Variants in ATP11B observed in about 807,000 individuals in gnomAD.
ATP11B encodes the protein phospholipid-transporting ATPase IF.
In ATP11B, 81 loss-of-function variants were observed where a neutral mutation model predicts 157.8. The observed-to-expected ratio is 0.51, with a 90% CI of 0.43 to 0.62. The LOEUF is 0.62. Among genes scored for constraint, ATP11B ranks in the 20% least tolerant of loss-of-function variants. The pLI is 0.00. For synonymous variants in ATP11B, 451 were observed against 469.4 expected, an observed-to-expected ratio of 0.96 and a Z score of 0.51; for missense variants, 1,165 against 1,402.2, an observed-to-expected ratio of 0.83 and a Z score of 2.70.
At chr3:182,847,026 C>T (rs924143290) in intron 9 of ATP11B, among the ~76,000 whole-genome samples, 1 of 149,942 alleles carries the variant, frequency 6.7e-6, no homozygotes, top group African/African-American at 2.4e-5. Flanking sequence ...TTTAGATCCT[C>T]TAATATAACA....
In ATP11B at chr3:182,896,730, G is replaced by A. The variant is rs753453161; in HGVS notation, c.3013G>A (p.Val1005Ile). ...MFGNWTFGTLVFTVMVITVTV... is the reference protein window; with the variant it reads ...MFGNWTFGTLIFTVMVITVTV... The stretch of plus-strand genomic sequence containing the variant: ...TGGAAACTGGACATTTGGCACTTTG[G>A]TCTTCACAGTCATGGTTATTACAGT... Residue 1005 changes from valine (V) to isoleucine (I), a missense_variant, in exon 26 of 30, where the codon GTC (valine) becomes ATC (isoleucine). Physicochemically the swap from Val to Ile is conservative, Grantham distance 29. This residue lies in a region of ATP11B where 303 missense variants were observed against 296.3 expected (regional missense o/e 1.02). Coordinates refer to ENST00000323116, the MANE Select transcript of ATP11B (RefSeq NM_014616.3). 22 of 1,613,122 alleles carry A rather than the reference G, an allele frequency of 1.4e-5. No individual in the cohort carries two copies. The highest frequency in any genetic ancestry group is 1.9e-5 in the Non-Finnish European group (22 of 1,179,386).
At chr3:182,894,569 A>G (rs1723398491) in intron 25 of ATP11B, among the ~76,000 whole-genome samples, 1 of 152,190 alleles carries the variant, frequency 6.6e-6, no homozygotes, top group Non-Finnish European at 1.5e-5. Context: ...GTCAGAATGG[A>G]AAGAGACAGC....
In ATP11B at chr3:182,918,827, A is replaced by G. The variant is rs1725294346; in HGVS notation, c.*723A>G. On this transcript the variant is annotated 3_prime_UTR_variant, in exon 30 of 30. Transcript: ENST00000323116. ...ATCAGGTCCGTTCACCGAACTTCAA[A>G]TTGATGTTTACTAATATTTTTGTGA... The G allele has an allele frequency of 6.5e-6, 1 of 153,674 alleles. No homozygotes were observed. The allele number at this position is 153,674 out of a possible 1,614,324, so 9.5% of individuals were successfully genotyped here. A position where few individuals can be genotyped will look rare whatever the true frequency, so the allele number is the denominator to read the frequency against.
chr3:182,881,475 G>A (rs1331508285), intron 21 of ATP11B, among the ~76,000 whole-genome samples: 2 of 151,824 alleles, frequency 1.3e-5, no homozygotes, highest in African/African-American at 2.4e-5. Flanking sequence ...CCGGGAGACA[G>A]AGGTTGCAGT....
intron 1 of ATP11B, among the ~76,000 whole-genome samples, chr3:182,797,225 C>T (rs1576937409): frequency 6.6e-6 from 1 of 152,096 alleles, no homozygotes; most frequent in East Asian, 1.9e-4. Context: ...TACTTTTTCT[C>T]TTAACTTGTG....
At chr3:182,916,747 C>T in intron 29 of ATP11B, 2 of 984,470 alleles carry the variant, frequency 2.0e-6, no homozygotes, top group Middle Eastern at 1.0e-3. Context: ...GAGACTTTAC[C>T]TAATAAGATT....
Position 182,857,939 on chromosome 3 carries a change from A to G in ATP11B, c.913A>G (p.Thr305Ala). The G allele has an allele frequency of 6.3e-7, 1 of 1,595,474 alleles. No individual in the cohort carries two copies. Residue 305 changes from threonine to alanine, a missense_variant, in exon 11 of 30, where the codon ACT becomes GCT. Physicochemically the swap from Thr to Ala is moderately conservative, Grantham distance 58. Coordinates refer to ENST00000323116, the MANE Select transcript of ATP11B (RefSeq NM_014616.3). The stretch of plus-strand genomic sequence containing the variant: ...TCTTATATCTGAAGCTGTCATCAGC[A>G]CTATCTTGAAGTATACATGGCAAGC... ...VILISEAVIS[T>A]ILKYTWQAEE... is the part of the protein sequence containing the mutation.
At chr3:182,867,528 G>C in intron 15 of ATP11B, 84 bp downstream of exon 15, 1 of 772,806 alleles carries the variant, frequency 1.3e-6, no homozygotes, top group Non-Finnish European at 2.1e-6. Context: ...TAGCTCACAG[G>C]GCAAATGTGG....
At chr3:182,804,768 A>C (rs1716225932) in intron 1 of ATP11B, among the ~76,000 whole-genome samples, 1 of 152,146 alleles carries the variant, frequency 6.6e-6, no homozygotes, top group African/African-American at 2.4e-5. Flanking sequence ...GATACTCATT[A>C]ACTGTCATTC....
At chr3:182,909,304 G>A (rs1387483370) in intron 28 of ATP11B, among the ~76,000 whole-genome samples, 1 of 152,190 alleles carries the variant, frequency 6.6e-6, no homozygotes, top group Non-Finnish European at 1.5e-5. Flanking sequence ...ATGTTGAATA[G>A]ACATAGTTGT....
At chr3:182,862,614 T>C (rs985217960) in intron 12 of ATP11B, among the ~76,000 whole-genome samples, 2 of 152,190 alleles carry the variant, frequency 1.3e-5, no homozygotes, top group Admixed American at 6.5e-5. Context: ...ATTTTCAGCC[T>C]CATCCTGTAC....
chr3:182,896,631 A>C, intron 25 of ATP11B, 69 bp from the exon 26 acceptor site: 1 of 1,333,916 alleles, frequency 7.5e-7, no homozygotes, highest in Non-Finnish European at 1.1e-6. Flanking sequence ...GTAGAGAATT[A>C]AATGACTTTT....
Position 182,889,251 on chromosome 3 carries a change from G to A in ATP11B, c.2844-159G>A, listed in dbSNP as rs1328399825. Among the ~76,000 whole-genome samples the A allele has an allele frequency of 2.6e-5, 4 of 152,054 alleles. No homozygotes were observed. In the East Asian group the frequency reaches 5.8e-4, roughly 22 times the overall value. ...CAGATGTATGATATTATAAGCAGTGGTTTATAAATTTGGATTTATTTATTC... is the reference window on the plus strand; with the variant it reads ...CAGATGTATGATATTATAAGCAGTGATTTATAAATTTGGATTTATTTATTC... On this transcript the variant is annotated intron_variant, in intron 24 of 29. Coordinates refer to ENST00000323116, the MANE Select transcript of ATP11B (RefSeq NM_014616.3).
intron 1 of ATP11B, among the ~76,000 whole-genome samples, chr3:182,811,606 G>C (rs1716672963): frequency 6.6e-6 from 1 of 152,126 alleles, no homozygotes; most frequent in Non-Finnish European, 1.5e-5. Context: ...AATAGAACTA[G>C]TACATACAGT....
chr3:182,828,313 C>T lies in ATP11B; in HGVS notation c.234+104C>T, dbSNP rs1189438071. ...TGTTGCTAATCATTTGACCATGTGA[C>T]CATTTTTTCTGCAGTGCTTCTGCAT... On this transcript the variant is annotated intron_variant, in intron 3 of 29. Coordinates refer to ENST00000323116, the MANE Select transcript of ATP11B (RefSeq NM_014616.3). The T allele has an allele frequency of 9.4e-6, 5 of 529,132 alleles. No homozygotes were observed. The African/African-American group carries it at 9.8e-5, about 10-fold the overall frequency. The allele number at this position is 529,132 out of a possible 1,614,324, so 32.8% of individuals were successfully genotyped here.
At chr3:182,853,070 A>G (rs978258569) in intron 10 of ATP11B, among the ~76,000 whole-genome samples, 1 of 152,262 alleles carries the variant, frequency 6.6e-6, no homozygotes. Flanking sequence ...ATTAAAAGCC[A>G]TAAGTACTAG....
chr3:182,847,944 A>G (rs1719664305), intron 9 of ATP11B, among the ~76,000 whole-genome samples: 1 of 152,190 alleles, frequency 6.6e-6, no homozygotes, highest in Non-Finnish European at 1.5e-5. Flanking sequence ...AAGTCATTCA[A>G]TAGGCGCACA....
chr3:182,827,650 G>T (rs1717815624), intron 2 of ATP11B, among the ~76,000 whole-genome samples: 1 of 150,174 alleles, frequency 6.7e-6, no homozygotes, highest in South Asian at 2.1e-4. Flanking sequence ...TAACATTCTA[G>T]GTTATTTCCT....
intron 3 of ATP11B, 39 bp downstream of exon 3, chr3:182,828,248 T>C: frequency 2.0e-6 from 2 of 984,978 alleles, no homozygotes; most frequent in Non-Finnish European, 3.0e-6. Context: ...GTAAACATAG[T>C]TTCTAAAAAT....
Sources: allele counts gnomAD v4.1 joint callset (sites outside exome capture counted in the v4.1 genomes callset), GRCh38; gene constraint gnomAD v4.1.1; regional missense constraint gnomAD v4.1.1; transcripts MANE v1.5; gene names NCBI Gene and HGNC (gene_info 2026-07-23, HGNC 2026-07-21).